The following SACS variants were observed in gnomAD, a reference collection of about 807,000 sequenced individuals.
The protein encoded by SACS is sacsin molecular chaperone, also known as sacsin.
SACS carries 197 observed loss-of-function variants against 348.0 expected under a neutral mutation model. The ratio of observed to expected loss-of-function variants is 0.57; its 90% CI spans 0.50 to 0.64. The LOEUF is 0.64. SACS is among the 30% of genes least tolerant of loss of function. The probability of loss-of-function intolerance (pLI) is 0.00; values close to 1 mark genes in which losing one functional copy is unlikely to be tolerated. For missense variants in SACS, 4,999 were observed against 5,360.8 expected (o/e 0.93, Z 2.11); for synonymous variants, 1,985 against 1,910.6 (o/e 1.04, Z -1.02).
In SACS at chr13:23,358,341, T is replaced by C. The variant is rs762268076; in HGVS notation, c.598A>G (p.Ile200Val). The change falls in exon 7 of 10, where the codon ATA (isoleucine) becomes GTA (valine). Residue 200 changes from isoleucine to valine, a missense_variant. Ile to Val is a conservative substitution (Grantham distance 29). Around this residue, in one of 6 missense-constraint regions of SACS, gnomAD observed 3,156 missense variants for 3,380.1 expected, o/e 0.93. Transcript: ENST00000382292. ...FGIGFNSVYHITDVPCIFSGD... is the reference protein window; with the variant it reads ...FGIGFNSVYHVTDVPCIFSGD... ...GAAAAGCCTAATACTCTACCTGTTATATGATAGACAGAATTAAACCCAATT... is the reference window on the plus strand; with the variant it reads ...GAAAAGCCTAATACTCTACCTGTTACATGATAGACAGAATTAAACCCAATT... The C allele has an allele frequency of 8.7e-6, 14 of 1,613,818 alleles. No homozygotes were observed. In the East Asian group the frequency reaches 2.9e-4, roughly 33 times the overall value.
intron 2 of SACS, among the ~76,000 whole-genome samples, chr13:23,404,172 G>A (rs562682660): frequency 1.4e-4 from 22 of 152,098 alleles, no homozygotes; most frequent in Non-Finnish European, 3.1e-4. Flanking sequence ...CAATTATGTG[G>A]TCAATTTTAA....
At chr13:23,375,593 C>T (rs1871740797) in intron 2 of SACS, 4 of 1,014,002 alleles carry the variant, frequency 3.9e-6, no homozygotes, top group South Asian at 9.3e-5. Flanking sequence ...CCTGCAGGCG[C>T]CGCCCGCGGG....
chr13:23,344,444 G>A lies in SACS; in HGVS notation c.2186-2754C>T, dbSNP rs148143792. 2.0e-4 allele frequency among the ~76,000 whole-genome samples: 31 copies of A among 151,880 alleles called. No individual in the cohort carries two copies. The South Asian group carries it at 2.9e-3, about 14-fold the overall frequency. On this transcript the variant is annotated intron_variant, in intron 9 of 9. Coordinates refer to ENST00000382292, the MANE Select transcript of SACS (RefSeq NM_014363.6). ...AACTAACACATCGGTCATGCTCAACGGAAAAAAACATGAAAGAAAATAAAG... is the reference window on the plus strand; with the variant it reads ...AACTAACACATCGGTCATGCTCAACAGAAAAAAACATGAAAGAAAATAAAG...
intron 1 of SACS, among the ~76,000 whole-genome samples, chr13:23,419,585 T>C (rs925315827): frequency 1.3e-5 from 2 of 152,136 alleles, no homozygotes; most frequent in Non-Finnish European, 2.9e-5. Context: ...CGTGGTTGCC[T>C]TTTTCTCTTT....
intron 5 of SACS, 99 bp from the exon 6 acceptor site, chr13:23,365,376 A>C (rs528377524): frequency 1.4e-6 from 1 of 725,242 alleles, no homozygotes; most frequent in African/African-American, 1.8e-5. Flanking sequence ...AATATACTTA[A>C]ATAAAGGAAA....
intron 2 of SACS, among the ~76,000 whole-genome samples, chr13:23,391,362 C>T (rs935820899): frequency 6.6e-6 from 1 of 152,190 alleles, no homozygotes; most frequent in Admixed American, 6.5e-5. Flanking sequence ...CCCAGCTCTC[C>T]GGCTCAGGTT....
chr13:23,432,277 A>G (rs1244017391), intron 1 of SACS, among the ~76,000 whole-genome samples: 1 of 152,242 alleles, frequency 6.6e-6, no homozygotes, highest in Non-Finnish European at 1.5e-5. Flanking sequence ...TAATCGTGGA[A>G]AAGTTCTTAT....
At chr13:23,406,319 A>T (rs1239803558) in intron 2 of SACS, among the ~76,000 whole-genome samples, 1 of 151,664 alleles carries the variant, frequency 6.6e-6, no homozygotes, top group East Asian at 1.9e-4. Flanking sequence ...CGTAAGTGGG[A>T]GTTGAACGAT....
At chr13:23,352,440 A>G (rs1430874630) in intron 9 of SACS, among the ~76,000 whole-genome samples, 2 of 152,240 alleles carry the variant, frequency 1.3e-5, no homozygotes, top group African/African-American at 2.4e-5. Flanking sequence ...TGGAATGGTC[A>G]GACTGAAAAA....
rs760649334 is a variant in SACS, at chr13:23,330,415, T to G, written c.13461A>C (p.Ala4487=). The change falls in exon 10 of 10, where the codon GCA becomes GCC. Residue 4487 remains alanine (A), a synonymous_variant. Transcript: ENST00000382292. ...ACTTTCCCCTCACAGCATAGTCAGC[T>G]GCAATCAAAGCTAACTTGGTAGAAA... is the stretch of plus-strand genomic sequence containing the variant. ...CYLSTKLALI[A]ADYAVRGKSD... 6.2e-7 allele frequency: 1 copy of G among 1,614,220 alleles called. No homozygotes were observed. Among genetic ancestry groups the G allele is most frequent in the South Asian group, 1.1e-5 (1 of 91,090 alleles).
In SACS at chr13:23,353,247, T is replaced by C. The variant is rs573787319; in HGVS notation, c.2185+538A>G. 3.3e-5 allele frequency among the ~76,000 whole-genome samples: 5 copies of C among 152,262 alleles called. No homozygotes were observed. The South Asian group carries it at 1.0e-3, about 32-fold the overall frequency. Reference sequence around the variant, plus strand: ...TTTCCTGCCCCTGTTACAGAGTTAATTGGATTTGTCCACACTTCCCAGAAG... The same window carrying C: ...TTTCCTGCCCCTGTTACAGAGTTAACTGGATTTGTCCACACTTCCCAGAAG... On this transcript the variant is annotated intron_variant, in intron 9 of 9. Transcript: ENST00000382292.
At chr13:23,413,276 C>T (rs973609883) in intron 1 of SACS, among the ~76,000 whole-genome samples, 3 of 152,194 alleles carry the variant, frequency 2.0e-5, no homozygotes, top group Non-Finnish European at 4.4e-5. Flanking sequence ...CTGCGCCCGG[C>T]CGGCAAACTT....
At chr13:23,432,166 G>A (rs545432737) in intron 1 of SACS, among the ~76,000 whole-genome samples, 7 of 152,336 alleles carry the variant, frequency 4.6e-5, no homozygotes, top group East Asian at 1.9e-4. Flanking sequence ...CAAGTCCTGC[G>A]TAAAGCAATG....
In SACS at chr13:23,335,254, A is replaced by T; in HGVS notation, c.8622T>A (p.Ser2874=). The T allele has an allele frequency of 6.2e-7, 1 of 1,613,956 alleles. No individual in the cohort carries two copies. Among genetic ancestry groups the T allele is most frequent in the Non-Finnish European group, 8.5e-7 (1 of 1,179,892 alleles). ...PHRAFCFLPL[S]LETGLPFHVN... is the part of the protein sequence containing the mutation. ...CATGAAATGGCAGCCCAGTCTCCAAAGAAAGAGGCAAAAAACAGAAGGCCC... is the reference window on the plus strand; with the variant it reads ...CATGAAATGGCAGCCCAGTCTCCAATGAAAGAGGCAAAAAACAGAAGGCCC... The change falls in exon 10 of 10, where the codon TCT becomes TCA. Residue 2874 remains serine, a synonymous_variant. Transcript: ENST00000382292. This position sits in a 1 kb window ranked among gnomAD's most constrained non-coding sequence, Gnocchi z 4.7.
intron 1 of SACS, among the ~76,000 whole-genome samples, chr13:23,416,853 T>C (rs1249468480): frequency 1.3e-5 from 2 of 151,986 alleles, no homozygotes; most frequent in African/African-American, 4.8e-5. Flanking sequence ...TCTCTATTTT[T>C]ACTCAGCATG....
At chr13:23,358,533 T>C in intron 6 of SACS, 52 bp from the exon 7 acceptor site, 1 of 1,596,158 alleles carries the variant, frequency 6.3e-7, no homozygotes, top group South Asian at 1.1e-5. Context: ...CAGGGTGTTC[T>C]GTTCTATCTC....
rs760325436 is a variant in SACS at position 23,340,539 on chromosome 13, A to G, written c.3337T>C (p.Leu1113=). ...TGATCAGGACAAGCACCGACCTGTAAGGCTTCAATTTTTTTTGCCACTTGC... is the reference window on the plus strand; with the variant it reads ...TGATCAGGACAAGCACCGACCTGTAGGGCTTCAATTTTTTTTGCCACTTGC... ...VVQVAKKIEA[L]QVGACPDQDV... Residue 1113 remains leucine, a synonymous_variant, in exon 10 of 10, where the codon TTA becomes CTA. Coordinates refer to ENST00000382292, the MANE Select transcript of SACS (RefSeq NM_014363.6). The G allele has an allele frequency of 6.2e-7, 1 of 1,612,328 alleles. No homozygotes were observed. The highest frequency in any genetic ancestry group is 1.7e-5 in the Admixed American group (1 of 59,620).
chr13:23,375,554 G>A (rs1245093630), intron 2 of SACS: 14 of 1,055,760 alleles, frequency 1.3e-5, no homozygotes, highest in Non-Finnish European at 1.6e-5. Flanking sequence ...GCGGGGGCGG[G>A]GACTGCGCGC....
At chr13:23,361,326 T>C (rs1870722715) in intron 6 of SACS, among the ~76,000 whole-genome samples, 1 of 152,226 alleles carries the variant, frequency 6.6e-6, no homozygotes, top group Non-Finnish European at 1.5e-5. Context: ...ATATTCATCC[T>C]GGAATTAGGA....
Sources: allele counts gnomAD v4.1 joint callset (sites outside exome capture counted in the v4.1 genomes callset), GRCh38; gene constraint gnomAD v4.1.1; regional missense constraint gnomAD v4.1.1; non-coding constraint Gnocchi (gnomAD v3.1); transcripts MANE v1.5; gene names NCBI Gene and HGNC (gene_info 2026-07-23, HGNC 2026-07-21).